The following ATM variants were observed in gnomAD, a reference collection of about 807,000 sequenced individuals.
The protein encoded by ATM is serine-protein kinase ATM.
ATM carries 308 observed loss-of-function variants against 387.0 expected under a neutral mutation model. The ratio of observed to expected loss-of-function variants is 0.80; its 90% CI spans 0.73 to 0.87. ATM has a LOEUF of 0.87. Ranked by LOEUF, ATM falls within the 40% of genes least tolerant of loss-of-function variation. The pLI is 0.00. For missense variants in ATM, 3,312 were observed against 3,560.9 expected (o/e 0.93, Z 1.78); for synonymous variants, 1,156 against 1,187.3 (o/e 0.97, Z 0.54).
intron 4 of ATM, chr11:108,231,716 AAAAG>A: frequency 6.6e-6 from 1 of 151,930 alleles, no homozygotes; most frequent in Middle Eastern, 3.1e-3. Flanking sequence ...AAAAAAAAAA[AAAAG>A]AATCAGGAAA....
At chr11:108,348,735 A>T (rs939032703) in intron 59 of ATM, among the ~76,000 whole-genome samples, 1 of 152,196 alleles carries the variant, frequency 6.6e-6, no homozygotes, top group East Asian at 1.9e-4. Context: ...TTCTCAGAAA[A>T]TAATATATTG....
At chr11:108,287,499 C>T in intron 26 of ATM, 101 bp from the exon 27 acceptor site, 4 of 713,346 alleles carry the variant, frequency 5.6e-6, no homozygotes, top group Middle Eastern at 3.7e-4. Flanking sequence ...CTTTTACAGT[C>T]ATCGAATACT....
intron 16 of ATM, among the ~76,000 whole-genome samples, chr11:108,264,245 A>T (rs553432908): frequency 3.3e-5 from 5 of 152,020 alleles, no homozygotes; most frequent in Non-Finnish European, 4.4e-5. Context: ...AAATACTGGC[A>T]AACTGAATCC....
At chr11:108,255,422 CTTTTT>C (rs538304080) in intron 13 of ATM, among the ~76,000 whole-genome samples, 2 of 85,412 alleles carry the variant, frequency 2.3e-5, no homozygotes, top group Admixed American at 1.3e-4. Context: ...ATTGTCTAAA[CTTTTT>C]TTTTTTTTTT....
At position 108,271,283 on chromosome 11, in the gene ATM, ATGTT is replaced by A. The variant is rs1565425258; in HGVS notation, c.2958_2961del (p.Cys987LysfsTer4). 6.2e-7 allele frequency: 1 copy of A among 1,612,970 alleles called. No homozygotes were observed. The highest frequency in any genetic ancestry group is 8.5e-7 in the Non-Finnish European group (1 of 1,179,874). On this transcript the variant is annotated frameshift_variant, in exon 20 of 63. Transcript: ENST00000675843. LOFTEE classifies it high-confidence loss of function. ...TGTTCTTTGTATCGTCGTGACCAAG[ATGTT>A]TGTAAAACTATTTTAAACCATGTCC...
At chr11:108,253,152 A>G (rs1489493243) in intron 12 of ATM, among the ~76,000 whole-genome samples, 1 of 152,206 alleles carries the variant, frequency 6.6e-6, no homozygotes, top group Admixed American at 6.5e-5. Context: ...ACAAGTGCCA[A>G]TGAGAAAAAC....
Position 108,308,376 on chromosome 11 carries a change from A to G in ATM, c.5762+392A>G, listed in dbSNP as rs1047260636. Reference sequence around the variant, plus strand: ...ATAGAGTTGTGTAAATGTCTTCTTTATGTATCTTTATTTTAAGATGTAAGT... The same window carrying G: ...ATAGAGTTGTGTAAATGTCTTCTTTGTGTATCTTTATTTTAAGATGTAAGT... On this transcript the variant is annotated intron_variant, in intron 38 of 62. Transcript: ENST00000675843. The G allele has an allele frequency of 8.1e-5, 20 of 245,518 alleles. No individual in the cohort carries two copies. The South Asian group carries it at 9.7e-4, about 12-fold the overall frequency. The allele number at this position is 245,518 out of a possible 1,614,324, so 15.2% of individuals were successfully genotyped here. A position where few individuals can be genotyped will look rare whatever the true frequency, so the allele number is the denominator to read the frequency against.
rs761958021 is a variant in ATM at position 108,229,054 on chromosome 11, CTGA to C, written c.186-121_186-119del. 110 of 901,830 alleles carry C rather than the reference CTGA, an allele frequency of 1.2e-4. No homozygotes were observed. The Middle Eastern group carries it at 2.7e-3, about 23-fold the overall frequency. The allele number at this position is 901,830 out of a possible 1,614,324, so 55.9% of individuals were successfully genotyped here. On this transcript the variant is annotated intron_variant, in intron 3 of 62. Transcript: ENST00000675843. ...TAATTGTTTTATTTGTTTTTTTCAG[CTGA>C]TGTAGTAATCTAAGCAAGGTGGTTT...
At position 108,358,325 on chromosome 11, in the gene ATM, T is replaced by C. The variant is rs1243313206; in HGVS notation, c.8850+3451T>C. ...AGACCAAATCTACGTCTGATTGGTG[T>C]ACCTGAAAGTGATGGGGAGAATGGA... On this transcript the variant is annotated intron_variant, in intron 61 of 62. Transcript: ENST00000675843. Among the ~76,000 whole-genome samples the C allele has an allele frequency of 2.1e-5, 3 of 142,982 alleles. No homozygotes were observed. The East Asian group carries it at 6.3e-4, about 30-fold the overall frequency. 93.8% of individuals were successfully genotyped at this position (142,982 alleles called of 152,430 possible).
At position 108,275,304 on chromosome 11, in the gene ATM, C is replaced by T. The variant is rs1330969434; in HGVS notation, c.3284+2452C>T. 2.6e-5 allele frequency among the ~76,000 whole-genome samples: 4 copies of T among 152,132 alleles called. No individual in the cohort carries two copies. In the East Asian group the frequency reaches 7.7e-4, roughly 29 times the overall value. On this transcript the variant is annotated intron_variant, in intron 22 of 62. Transcript: ENST00000675843. The stretch of plus-strand genomic sequence containing the variant: ...AATACAGCACACTGATGGGTCTTGA[C>T]TCTTTATCCAATTTGCCAGTCTCTG...
intron 51 of ATM, 133 bp from the exon 52 acceptor site, chr11:108,331,746 C>T: frequency 7.8e-7 from 1 of 1,282,576 alleles, no homozygotes; most frequent in Non-Finnish European, 1.1e-6. Flanking sequence ...CTTTTTCTCA[C>T]ACATGCAGGC....
chr11:108,294,811 T>C, intron 31 of ATM, 116 bp from the exon 32 acceptor site: 3 of 1,086,214 alleles, frequency 2.8e-6, no homozygotes, highest in African/African-American at 1.6e-5. Flanking sequence ...TTAGTAGTAA[T>C]AGAGACATGA....
intron 1 of ATM, 169 bp from the exon 2 acceptor site, chr11:108,227,426 A>G (rs1258448510): frequency 1.9e-6 from 1 of 532,070 alleles, no homozygotes; most frequent in Non-Finnish European, 3.3e-6. Context: ...GGAAATGTTA[A>G]GAAAAATTAT....
chr11:108,353,965 C>T (rs931127273), intron 60 of ATM, 85 bp downstream of exon 60: 85 of 1,356,844 alleles, frequency 6.3e-5, no homozygotes, highest in Non-Finnish European at 8.8e-5. Context: ...CCTGTAATCC[C>T]AGCTGCTCAA....
At chr11:108,336,203 G>T (rs527820057) in intron 56 of ATM, 2 of 412,258 alleles carry the variant, frequency 4.9e-6, no homozygotes, top group South Asian at 2.2e-5. Context: ...TACATGGGAG[G>T]CTGAGGTGGG....
chr11:108,259,998 A>C (rs1372462665), intron 16 of ATM, among the ~76,000 whole-genome samples: 1 of 150,548 alleles, frequency 6.6e-6, no homozygotes, highest in Non-Finnish European at 1.5e-5. Flanking sequence ...GTGATAGTGA[A>C]TAGTATATAT....
rs1060504312 is a variant in ATM at position 108,243,960 on chromosome 11, C to G, written c.504C>G (p.Phe168Leu). ...EISQQQWLEL[F>L]SVYFRLYLKP... ...TTTTTTTTTTTTTTTAAGAATTGTT[C>G]TCTGTGTACTTCAGGCTCTATCTGA... The change falls in exon 6 of 63, where the codon TTC (phenylalanine) becomes TTG (leucine). Residue 168 changes from phenylalanine (F) to leucine (L), a missense_variant. This residue lies in a region of ATM where 1,791 missense variants were observed against 1,804.5 expected (regional missense o/e 0.99). Transcript: ENST00000675843. 2 of 1,543,866 alleles carry G rather than the reference C, an allele frequency of 1.3e-6. No individual in the cohort carries two copies. Among genetic ancestry groups the G allele is most frequent in the African/African-American group, 2.9e-5 (2 of 69,482 alleles).
At chr11:108,339,238 G>C (rs1479597935) in intron 56 of ATM, among the ~76,000 whole-genome samples, 2 of 152,094 alleles carry the variant, frequency 1.3e-5, no homozygotes, top group Non-Finnish European at 2.9e-5. Context: ...TAAAATCTTA[G>C]GTGTCAGAGG....
chr11:108,310,015 T>C (rs2136005553), intron 38 of ATM, 145 bp from the exon 39 acceptor site: 1 of 745,114 alleles, frequency 1.3e-6, no homozygotes, highest in East Asian at 2.8e-5. Context: ...ATAATGTTTA[T>C]AGGTATATAT....
Sources: allele counts gnomAD v4.1 joint callset (sites outside exome capture counted in the v4.1 genomes callset), GRCh38; gene constraint gnomAD v4.1.1; regional missense constraint gnomAD v4.1.1; transcripts MANE v1.5; gene names NCBI Gene and HGNC (gene_info 2026-07-23, HGNC 2026-07-21).